Variants in SUMF1 observed in about 807,000 individuals in gnomAD.
The protein encoded by SUMF1 is formylglycine-generating enzyme.
A neutral mutation model predicts 47.6 loss-of-function variants in SUMF1; 48 were observed. The ratio of observed to expected loss-of-function variants is 1.01; its 90% CI spans 0.80 to 1.28. The LOEUF is 1.28. Among genes scored for constraint, SUMF1 ranks in the 50% most tolerant of loss-of-function variants. SUMF1 has a pLI of 0.00. For missense variants in SUMF1, 571 were observed against 485.4 expected (o/e 1.18, Z -1.66); for synonymous variants, 230 against 192.1 (o/e 1.20, Z -1.63).
At chr3:4,377,125 G>A (rs868744787) in intron 7 of SUMF1, among the ~76,000 whole-genome samples, 13 of 152,086 alleles carry the variant, frequency 8.5e-5, no homozygotes, top group Admixed American at 5.2e-4. Context: ...TTATAATCCC[G>A]CTGTGTAATA....
chr3:4,334,364 T>A (rs1699105256), intron 8 of SUMF1, among the ~76,000 whole-genome samples: 1 of 152,182 alleles, frequency 6.6e-6, no homozygotes, highest in Admixed American at 6.5e-5. Flanking sequence ...CAACCAAGGT[T>A]ATAACAACCA....
At chr3:4,315,243 C>G in intron 8 of SUMF1, among the ~76,000 whole-genome samples, 1 of 152,218 alleles carries the variant, frequency 6.6e-6, no homozygotes, top group East Asian at 1.9e-4. Context: ...GTATCCCTCA[C>G]TCCAAAATGT....
chr3:4,066,997 C>A (rs763628908), intron 9 of SUMF1, among the ~76,000 whole-genome samples: 6 of 152,126 alleles, frequency 3.9e-5, no homozygotes, highest in Non-Finnish European at 7.4e-5. Context: ...TATGAAGGGC[C>A]TGAATTCGTT....
At chr3:4,164,307 G>A (rs1338616530) in intron 8 of SUMF1, among the ~76,000 whole-genome samples, 2 of 152,138 alleles carry the variant, frequency 1.3e-5, no homozygotes, top group African/African-American at 4.8e-5. Context: ...GTGTCCAGGA[G>A]GAAGTCAATT....
intron 8 of SUMF1, among the ~76,000 whole-genome samples, chr3:4,321,680 A>G (rs1698838422): frequency 6.6e-6 from 1 of 152,136 alleles, no homozygotes; most frequent in African/African-American, 2.4e-5. Flanking sequence ...CAATAAATAA[A>G]TGGGGTAAAG....
chr3:4,181,310 A>C (rs572797992), intron 8 of SUMF1, among the ~76,000 whole-genome samples: 34 of 152,182 alleles, frequency 2.2e-4, no homozygotes. Context: ...CAACACCCGG[A>C]TGAACCCTCT....
intron 8 of SUMF1, among the ~76,000 whole-genome samples, chr3:4,250,853 T>G (rs1575019613): frequency 6.6e-6 from 1 of 152,122 alleles, no homozygotes; most frequent in South Asian, 2.1e-4. Context: ...ACTTTCAAAA[T>G]AGTACTGCTC....
chr3:4,224,915 G>T (rs1027123046), intron 8 of SUMF1, among the ~76,000 whole-genome samples: 14 of 152,192 alleles, frequency 9.2e-5, no homozygotes, highest in African/African-American at 3.1e-4. Flanking sequence ...TCTATGGTCT[G>T]CACCACCATC....
chr3:4,037,565 G>A (rs564184196), intron 9 of SUMF1, among the ~76,000 whole-genome samples: 5 of 151,962 alleles, frequency 3.3e-5, no homozygotes, highest in Non-Finnish European at 2.9e-5. Flanking sequence ...TCATTTTTTT[G>A]CGATTCTTAG....
intron 8 of SUMF1, among the ~76,000 whole-genome samples, chr3:4,283,491 C>A (rs181945030): frequency 3.0e-5 from 4 of 132,320 alleles, no homozygotes; most frequent in Non-Finnish European, 7.2e-5. Context: ...CTCCAGGAAC[C>A]CTTTGTTAAA....
In SUMF1 at chr3:4,324,059, A is replaced by G. The variant is rs868260085; in HGVS notation, c.1014+52271T>C. 3.3e-4 allele frequency among the ~76,000 whole-genome samples: 50 copies of G among 152,182 alleles called. 1 individual carries two copies. The highest frequency in any genetic ancestry group is 1.1e-3 in the African/African-American group (46 of 41,442). On this transcript the variant is annotated intron_variant and NMD_transcript_variant, in intron 8 of 12. Transcript: ENST00000448413. Reference sequence around the variant, plus strand: ...TTTAGCAGATGATGAAAAAGACAGCATAAGTGATAGCTTATGTGATGAAAT... The same window carrying G: ...TTTAGCAGATGATGAAAAAGACAGCGTAAGTGATAGCTTATGTGATGAAAT...
At position 4,150,953 on chromosome 3, in the gene SUMF1, G is replaced by A. The variant is rs573284739; in HGVS notation, c.1015-82208C>T. On this transcript the variant is annotated intron_variant and NMD_transcript_variant, in intron 8 of 12. Coordinates refer to the SUMF1 transcript ENST00000448413. ...CCAGCAAACTCTTTCTGCTCTCTTC[G>A]AAAGTGACAGACTATTTCCTCTGGA... Among the ~76,000 whole-genome samples, 97 of 151,528 alleles carry A rather than the reference G, an allele frequency of 6.4e-4. 3 individuals are homozygous for A. Among genetic ancestry groups the A allele is most frequent in the African/African-American group, 2.3e-3 (93 of 40,852 alleles).
intron 8 of SUMF1, among the ~76,000 whole-genome samples, chr3:4,343,273 C>T (rs538860470): frequency 2.6e-5 from 4 of 152,118 alleles, no homozygotes; most frequent in South Asian, 2.1e-4. Flanking sequence ...TCAAACAAGC[C>T]GTATGTAGGA....
chr3:4,267,763 T>C lies in SUMF1; in HGVS notation c.1014+108567A>G, dbSNP rs1188264075. Among the ~76,000 whole-genome samples the C allele has an allele frequency of 5.4e-5, 8 of 149,490 alleles. 1 individual carries two copies. Among genetic ancestry groups the C allele is most frequent in the Non-Finnish European group, 8.9e-5 (6 of 67,504 alleles). On this transcript the variant is annotated intron_variant and NMD_transcript_variant, in intron 8 of 12. Transcript: ENST00000448413. ...AGGTGCTGGAGAGGATGTGGAGAAATAGGAACACTTTTACACTGTTGGTGG... is the reference window on the plus strand; with the variant it reads ...AGGTGCTGGAGAGGATGTGGAGAAACAGGAACACTTTTACACTGTTGGTGG...
intron 8 of SUMF1, among the ~76,000 whole-genome samples, chr3:4,226,149 T>C (rs1218949008): frequency 6.6e-6 from 1 of 152,084 alleles, no homozygotes; most frequent in African/African-American, 2.4e-5. Context: ...CAATAAATTG[T>C]ATGCGCTGAA....
chr3:4,439,028 T>G (rs1369806727), intron 3 of SUMF1, among the ~76,000 whole-genome samples: 1 of 152,118 alleles, frequency 6.6e-6, no homozygotes, highest in Non-Finnish European at 1.5e-5. Flanking sequence ...AGTAAAAATC[T>G]TATAAACTAT....
At chr3:4,195,029 G>T (rs982118176) in intron 8 of SUMF1, among the ~76,000 whole-genome samples, 1 of 152,222 alleles carries the variant, frequency 6.6e-6, no homozygotes, top group East Asian at 1.9e-4. Flanking sequence ...CAGAGCCCTT[G>T]TCTGTGGAGG....
intron 9 of SUMF1, among the ~76,000 whole-genome samples, chr3:4,051,027 C>T (rs1695101782): frequency 6.6e-6 from 1 of 151,732 alleles, no homozygotes; most frequent in Admixed American, 6.6e-5. Context: ...TGTCTACCCG[C>T]TAAAATGACT....
In SUMF1 at chr3:4,295,733, G is replaced by A. The variant is rs998575285; in HGVS notation, c.1014+80597C>T. On this transcript the variant is annotated intron_variant and NMD_transcript_variant, in intron 8 of 12. Coordinates refer to the SUMF1 transcript ENST00000448413. ...CATAATACTCTTCTTTCACCTCTTC[G>A]CATATTATCAAACAATCCACATTTG... 3.9e-5 allele frequency among the ~76,000 whole-genome samples: 6 copies of A among 152,014 alleles called. No individual in the cohort carries two copies. The South Asian group carries it at 8.3e-4, about 21-fold the overall frequency.
Sources: gnomAD v4.1 joint callset for allele counts (sites outside exome capture counted in the v4.1 genomes callset) on GRCh38, gnomAD v4.1.1 for gene constraint, MANE v1.5 for transcripts, NCBI Gene and HGNC (gene_info 2026-07-23, HGNC 2026-07-21) for gene names.